Variants in COMMD7 observed in about 807,000 individuals in gnomAD.
The protein encoded by COMMD7 is COMM domain containing 7.
COMMD7 carries 28 observed loss-of-function variants against 34.8 expected under a neutral mutation model. That is an observed-to-expected ratio of 0.80 (90% confidence interval 0.60 to 1.10). COMMD7 has a LOEUF of 1.10. Among genes scored for constraint, COMMD7 ranks in the 50% least tolerant of loss-of-function variants. COMMD7 has a pLI of 0.00. For synonymous variants in COMMD7, 80 were observed against 86.4 expected, an observed-to-expected ratio of 0.93 and a Z score of 0.41; for missense variants, 211 against 241.6, an observed-to-expected ratio of 0.87 and a Z score of 0.84.
At chr20:32,722,630 A>G (rs893384279) in intron 3 of COMMD7, among the ~76,000 whole-genome samples, 2 of 151,634 alleles carry the variant, frequency 1.3e-5, no homozygotes, top group Non-Finnish European at 2.9e-5. Flanking sequence ...AGGCTGAGTC[A>G]GAAGAATCAC....
chr20:32,728,464 ACACACG>A (rs1041626400), intron 1 of COMMD7, among the ~76,000 whole-genome samples: 10 of 128,994 alleles, frequency 7.8e-5, no homozygotes, highest in Non-Finnish European at 1.5e-4. Flanking sequence ...ACACACACAC[ACACACG>A]CACGCACAAG....
chr20:32,716,569 C>T (rs895320568), intron 3 of COMMD7, among the ~76,000 whole-genome samples: 5 of 152,078 alleles, frequency 3.3e-5, no homozygotes, highest in Non-Finnish European at 5.9e-5. Flanking sequence ...GAGCCAAGAT[C>T]GTGCCACTGC....
intron 3 of COMMD7, among the ~76,000 whole-genome samples, chr20:32,708,731 A>G: frequency 1.1e-5 from 1 of 93,822 alleles, no homozygotes; most frequent in Non-Finnish European, 1.9e-5. Flanking sequence ...GGGCAATCTC[A>G]GCTCACCTCC....
intron 3 of COMMD7, among the ~76,000 whole-genome samples, chr20:32,715,839 T>A (rs546635403): frequency 1.0e-3 from 153 of 152,122 alleles, no homozygotes; most frequent in African/African-American, 3.6e-3. Flanking sequence ...ATAAATAAAT[T>A]AATAAATTAA....
rs201386316 is a variant in COMMD7 at position 32,706,704 on chromosome 20, C to T, written c.298G>A (p.Gly100Ser). The change falls in exon 4 of 9, where the codon GGT becomes AGT. Residue 100 changes from glycine (G) to serine (S), a missense_variant and splice_region_variant. Transcript: ENST00000278980. ...KQVQADFITL[G>S]LSEEKATYFS... ...TGAGCAACCCTGGCCAATGACCTAC[C>T]CAGAGTTATGAAATCCGCCTGGACC... 1 of 1,613,866 alleles carries T rather than the reference C, an allele frequency of 6.2e-7. No homozygotes were observed. The highest frequency in any genetic ancestry group is 8.5e-7 in the Non-Finnish European group (1 of 1,179,946).
chr20:32,717,566 T>A (rs1394225171), intron 3 of COMMD7, among the ~76,000 whole-genome samples: 1 of 152,010 alleles, frequency 6.6e-6, no homozygotes, highest in Non-Finnish European at 1.5e-5. Context: ...CCTCAAGCGA[T>A]CCGCCCACCT....
intron 1 of COMMD7, among the ~76,000 whole-genome samples, chr20:32,733,071 A>G (rs1259408617): frequency 6.6e-6 from 1 of 150,562 alleles, no homozygotes; most frequent in Non-Finnish European, 1.5e-5. Flanking sequence ...CCCCGTCTCT[A>G]CTAAAAATAC....
chr20:32,727,772 A>C, intron 3 of COMMD7, 121 bp downstream of exon 3: 1 of 764,426 alleles, frequency 1.3e-6, no homozygotes, highest in Non-Finnish European at 2.3e-6. Context: ...AGTCCCACCC[A>C]CGTCTGGCTC....
chr20:32,729,460 G>A (rs1985712802), intron 1 of COMMD7, among the ~76,000 whole-genome samples: 1 of 151,782 alleles, frequency 6.6e-6, no homozygotes, highest in Non-Finnish European at 1.5e-5. Context: ...GACCCACCGT[G>A]CCCAGCCTAG....
chr20:32,739,371 C>T (rs947479653), intron 1 of COMMD7, among the ~76,000 whole-genome samples: 2 of 152,092 alleles, frequency 1.3e-5, no homozygotes, highest in Non-Finnish European at 2.9e-5. Context: ...ATAAGCTGGG[C>T]GCGGTGTCTC....
At chr20:32,739,636 C>T (rs1363339228) in intron 1 of COMMD7, among the ~76,000 whole-genome samples, 3 of 45,546 alleles carry the variant, frequency 6.6e-5, no homozygotes, top group Admixed American at 1.8e-4. Flanking sequence ...CAGAGCAAGG[C>T]TCTGTATCAA....
intron 1 of COMMD7, among the ~76,000 whole-genome samples, chr20:32,732,261 T>G (rs1405067850): frequency 2.0e-5 from 3 of 152,086 alleles, no homozygotes; most frequent in Admixed American, 2.0e-4. Flanking sequence ...GGGCTAATTT[T>G]TTTATATTTT....
chr20:32,712,437 G>C (rs572486225), intron 3 of COMMD7, among the ~76,000 whole-genome samples: 2 of 151,586 alleles, frequency 1.3e-5, no homozygotes, highest in African/African-American at 4.8e-5. Flanking sequence ...GAACCCAGGA[G>C]GCAGAGGTTG....
rs6057624 is a variant in COMMD7, at chr20:32,717,182, G to T, written c.242-10422C>A. Among the ~76,000 whole-genome samples the T allele has an allele frequency of 2.2e-3, 327 of 151,968 alleles. 1 individual carries two copies. The highest frequency in any genetic ancestry group is 7.2e-3 in the African/African-American group (300 of 41,492). On this transcript the variant is annotated intron_variant, in intron 3 of 8. Transcript: ENST00000278980. ...CTTTGGTTTGTTTTTTAGAGACAGG[G>T]TCTTCCTCCGTTGTGCAAACTGGAG...
chr20:32,733,716 CAA>C (rs35352458), intron 1 of COMMD7, among the ~76,000 whole-genome samples: 3,027 of 109,566 alleles, frequency 0.028, 60 homozygotes, highest in African/African-American at 0.053. Context: ...GACTCCATCT[CAA>C]AAAAAAAAAA....
intron 3 of COMMD7, among the ~76,000 whole-genome samples, chr20:32,727,593 G>T (rs182300934): frequency 6.0e-5 from 9 of 151,060 alleles, no homozygotes; most frequent in African/African-American, 2.2e-4. Context: ...GCTATAAAAG[G>T]TTCCAAATGC....
Position 32,704,472 on chromosome 20 carries a change from C to T in COMMD7, c.445G>A (p.Glu149Lys), listed in dbSNP as rs370081454. 65 of 1,605,730 alleles carry T rather than the reference C, an allele frequency of 4.0e-5. No individual in the cohort carries two copies. Among genetic ancestry groups the T allele is most frequent in the Non-Finnish European group, 4.9e-5 (58 of 1,177,840 alleles). ...AATATACTTCCCACTTTCTCCAATT[C>T]GCTGCTCCCAGATGTCACTGTGACA... is the stretch of plus-strand genomic sequence containing the variant. ...WKFGVTSGSS[E>K]LEKVGSIFLQ... is the part of the protein sequence containing the mutation. The change falls in exon 7 of 9, where the codon GAA (glutamate) becomes AAA (lysine). Residue 149 changes from glutamate to lysine, a missense_variant. Glu to Lys is a moderately conservative substitution (Grantham distance 56, BLOSUM62 1). Transcript: ENST00000278980.
Position 32,718,886 on chromosome 20 carries a change from A to G in COMMD7, c.241+9007T>C, listed in dbSNP as rs145848455. 2.2e-3 allele frequency among the ~76,000 whole-genome samples: 335 copies of G among 152,138 alleles called. 4 individuals are homozygous for G. Among genetic ancestry groups the G allele is most frequent in the African/African-American group, 7.8e-3 (324 of 41,524 alleles). On this transcript the variant is annotated intron_variant, in intron 3 of 8. Transcript: ENST00000278980. The stretch of plus-strand genomic sequence containing the variant: ...GACTTTTCAGAACCTGAGATGTGTC[A>G]ATGTGTGCTTGAATCTCCAGGGTTC...
At chr20:32,732,952 G>T (rs1284443507) in intron 1 of COMMD7, among the ~76,000 whole-genome samples, 1 of 151,406 alleles carries the variant, frequency 6.6e-6, no homozygotes, top group African/African-American at 2.4e-5. Flanking sequence ...AAAGAAAAAA[G>T]AAGGTCGGAC....
Sources: allele counts gnomAD v4.1 joint callset (sites outside exome capture counted in the v4.1 genomes callset), GRCh38; gene constraint gnomAD v4.1.1; transcripts MANE v1.5; gene names NCBI Gene and HGNC (gene_info 2026-07-23, HGNC 2026-07-21).